Variants in ASIC2 observed in about 807,000 individuals in gnomAD.
The protein encoded by ASIC2 is acid sensing ion channel subunit 2, also known as acid-sensing ion channel 2.
ASIC2 carries 25 observed loss-of-function variants against 57.3 expected under a neutral mutation model. That is an observed-to-expected ratio of 0.44 (90% confidence interval 0.32 to 0.61). The LOEUF is 0.61. Ranked by LOEUF, ASIC2 falls within the 20% of genes least tolerant of loss-of-function variation. The probability of loss-of-function intolerance (pLI) is 0.06; values close to 1 mark genes in which losing one functional copy is unlikely to be tolerated. For synonymous variants in ASIC2, 319 were observed against 307.5 expected, an observed-to-expected ratio of 1.04 and a Z score of -0.39; for missense variants, 641 against 738.1, an observed-to-expected ratio of 0.87 and a Z score of 1.52.
At chr17:33,365,835 G>T (rs1415575456) in intron 1 of ASIC2, among the ~76,000 whole-genome samples, 4 of 152,190 alleles carry the variant, frequency 2.6e-5, no homozygotes, top group Non-Finnish European at 5.9e-5. Flanking sequence ...GAAGAAAAAA[G>T]TCTATTTATT....
intron 1 of ASIC2, among the ~76,000 whole-genome samples, chr17:33,210,934 G>C (rs1179556947): frequency 1.3e-5 from 2 of 152,142 alleles, no homozygotes; most frequent in Non-Finnish European, 2.9e-5. Flanking sequence ...CCAGTATGTG[G>C]CTTTCAGTCT....
At chr17:33,123,223 A>G (rs544782244) in intron 1 of ASIC2, among the ~76,000 whole-genome samples, 1 of 152,326 alleles carries the variant, frequency 6.6e-6, no homozygotes, top group Admixed American at 6.5e-5. Flanking sequence ...TACAATAGCC[A>G]AGATTCTGAA....
chr17:34,001,787 A>G (rs957162667), intron 1 of ASIC2: 2 of 152,064 alleles, frequency 1.3e-5, no homozygotes, highest in African/African-American at 4.8e-5. Context: ...ATCTTTTCTT[A>G]TTTCTGTGTT....
chr17:34,044,092 C>T (rs931291228), intron 1 of ASIC2, among the ~76,000 whole-genome samples: 2 of 147,184 alleles, frequency 1.4e-5, no homozygotes, highest in South Asian at 4.2e-4. Flanking sequence ...GTGGGCCATA[C>T]CCTTGAATCA....
At chr17:33,570,768 G>C (rs1378427415) in intron 1 of ASIC2, among the ~76,000 whole-genome samples, 1 of 152,114 alleles carries the variant, frequency 6.6e-6, no homozygotes, top group East Asian at 1.9e-4. Context: ...CACGTGTCTG[G>C]GGTGAAGTGA....
intron 1 of ASIC2, among the ~76,000 whole-genome samples, chr17:34,030,690 G>C (rs868150911): frequency 1.3e-5 from 2 of 152,132 alleles, no homozygotes. Context: ...CTTAAACAAC[G>C]GCACACCAGG....
intron 1 of ASIC2, among the ~76,000 whole-genome samples, chr17:33,768,933 G>A (rs1911014079): frequency 6.6e-6 from 1 of 152,092 alleles, no homozygotes; most frequent in South Asian, 2.1e-4. Context: ...TCTCCTCTGA[G>A]AGCTGTTTTC....
intron 2 of ASIC2, among the ~76,000 whole-genome samples, chr17:33,109,013 G>A (rs1486997715): frequency 6.6e-6 from 1 of 152,164 alleles, no homozygotes; most frequent in Non-Finnish European, 1.5e-5. Flanking sequence ...TAATTTAAAT[G>A]AATAAAAATG....
chr17:33,845,410 C>T (rs531649420), intron 1 of ASIC2, among the ~76,000 whole-genome samples: 1 of 152,198 alleles, frequency 6.6e-6, no homozygotes, highest in East Asian at 1.9e-4. Flanking sequence ...CCTGTAAACG[C>T]AGCATTGAAC....
At chr17:33,177,974 C>T (rs772369257) in intron 1 of ASIC2, among the ~76,000 whole-genome samples, 10 of 152,070 alleles carry the variant, frequency 6.6e-5, no homozygotes, top group Non-Finnish European at 1.5e-4. Flanking sequence ...AAAAAAATAA[C>T]CTAGTGTGCG....
At chr17:34,114,432 C>T (rs9912209) in intron 1 of ASIC2, among the ~76,000 whole-genome samples, 3,597 of 152,134 alleles carry the variant, frequency 0.024, 122 homozygotes, top group African/African-American at 0.07. Flanking sequence ...TGGGGCTAGC[C>T]CTTTTCCCAT....
chr17:33,437,161 G>C (rs1263188658), intron 1 of ASIC2, among the ~76,000 whole-genome samples: 1 of 151,862 alleles, frequency 6.6e-6, no homozygotes, highest in South Asian at 2.1e-4. Flanking sequence ...CACCGCGCCC[G>C]GCCCCAACTT....
At chr17:33,347,310 C>T (rs1907987362) in intron 1 of ASIC2, among the ~76,000 whole-genome samples, 1 of 152,260 alleles carries the variant, frequency 6.6e-6, no homozygotes, top group East Asian at 1.9e-4. Context: ...TGATAAGGAT[C>T]GTTGCTGTTG....
At chr17:33,963,511 G>T (rs1904988349) in intron 1 of ASIC2, among the ~76,000 whole-genome samples, 1 of 152,172 alleles carries the variant, frequency 6.6e-6, no homozygotes, top group African/African-American at 2.4e-5. Flanking sequence ...TCAGAGAGGG[G>T]AAGTAACTTA....
At chr17:33,116,132 C>T (rs893415652) in intron 1 of ASIC2, among the ~76,000 whole-genome samples, 9 of 152,202 alleles carry the variant, frequency 5.9e-5, no homozygotes, top group Non-Finnish European at 1.2e-4. Context: ...TAGGTGCTGG[C>T]GGAGAGGCTC....
chr17:34,140,839 C>A (rs1912253428), intron 1 of ASIC2, among the ~76,000 whole-genome samples: 2 of 152,076 alleles, frequency 1.3e-5, no homozygotes, highest in African/African-American at 4.8e-5. Context: ...AATTCAAAAA[C>A]CATCATTTGG....
intron 2 of ASIC2, among the ~76,000 whole-genome samples, chr17:33,092,840 A>C (rs2092163023): frequency 1.3e-5 from 2 of 152,372 alleles, no homozygotes; most frequent in Non-Finnish European, 2.9e-5. Flanking sequence ...TAATGTCCCT[A>C]GCACAGTAGC....
At chr17:33,582,204 G>C (rs1424530529) in intron 1 of ASIC2, among the ~76,000 whole-genome samples, 1 of 152,212 alleles carries the variant, frequency 6.6e-6, no homozygotes, top group Non-Finnish European at 1.5e-5. Flanking sequence ...CTGTCACTTA[G>C]GGGAGGGACA....
intron 1 of ASIC2, among the ~76,000 whole-genome samples, chr17:33,552,598 A>T (rs182591072): frequency 2.0e-5 from 3 of 152,348 alleles, no homozygotes. Flanking sequence ...TATCTGCCTG[A>T]AAGGCTGCCA....
Sources: gnomAD v4.1 joint callset for allele counts (sites outside exome capture counted in the v4.1 genomes callset) on GRCh38, gnomAD v4.1.1 for gene constraint, MANE v1.5 for transcripts, NCBI Gene and HGNC (gene_info 2026-07-23, HGNC 2026-07-21) for gene names.